Variants in SBSPON observed in about 807,000 individuals in gnomAD.
SBSPON encodes the protein somatomedin B and thrombospondin type 1 domain containing, also known as somatomedin-B and thrombospondin type-1 domain-containing protein.
In SBSPON, 30 loss-of-function variants were observed where a neutral mutation model predicts 35.8. The ratio of observed to expected loss-of-function variants is 0.84; its 90% CI spans 0.63 to 1.14. SBSPON has a LOEUF of 1.14. Ranked by LOEUF, SBSPON falls within the 50% of genes most tolerant of loss-of-function variation. The pLI is 0.00. For missense variants in SBSPON, 364 were observed against 357.7 expected (o/e 1.02, Z -0.14); for synonymous variants, 136 against 135.9 (o/e 1.00, Z 0.00).
chr8:73,081,328 G>T, intron 1 of SBSPON, 115 bp from the exon 2 acceptor site: 1 of 842,858 alleles, frequency 1.2e-6, no homozygotes, highest in Non-Finnish European at 1.8e-6. Context: ...CTGGCCCCAG[G>T]CCCTGTATCA....
intron 2 of SBSPON, chr8:73,074,566 A>T (rs1337362802): frequency 3.0e-6 from 3 of 984,056 alleles, no homozygotes; most frequent in Admixed American, 6.1e-5. Flanking sequence ...CAAACTCCTC[A>T]GGGCGGCACT....
chr8:73,076,720 G>C (rs1383626688), intron 2 of SBSPON, among the ~76,000 whole-genome samples: 1 of 151,852 alleles, frequency 6.6e-6, no homozygotes, highest in African/African-American at 2.4e-5. Context: ...TAGCTATGAG[G>C]ATGGAGGACG....
intron 2 of SBSPON, among the ~76,000 whole-genome samples, chr8:73,072,484 C>T (rs1329436979): frequency 6.6e-6 from 1 of 152,082 alleles, no homozygotes; most frequent in Non-Finnish European, 1.5e-5. Flanking sequence ...GCCTGGCCAA[C>T]ATGGCAAAAC....
At chr8:73,083,460 C>T (rs1427677290) in intron 1 of SBSPON, among the ~76,000 whole-genome samples, 2 of 152,192 alleles carry the variant, frequency 1.3e-5, no homozygotes, top group African/African-American at 4.8e-5. Context: ...TGTTGGTTAG[C>T]TTGTGAACTT....
At chr8:73,092,104 C>T (rs1268249834) in intron 1 of SBSPON, among the ~76,000 whole-genome samples, 1 of 152,156 alleles carries the variant, frequency 6.6e-6, no homozygotes, top group East Asian at 1.9e-4. Flanking sequence ...TTATTGAGCC[C>T]TTACGGGGAC....
At chr8:73,087,230 C>T (rs1279261645) in intron 1 of SBSPON, among the ~76,000 whole-genome samples, 1 of 152,124 alleles carries the variant, frequency 6.6e-6, no homozygotes, top group Non-Finnish European at 1.5e-5. Flanking sequence ...ATCCGGATGA[C>T]CTGGGTTCAA....
At chr8:73,088,462 T>G (rs993742086) in intron 1 of SBSPON, among the ~76,000 whole-genome samples, 2 of 152,172 alleles carry the variant, frequency 1.3e-5, no homozygotes, top group Non-Finnish European at 2.9e-5. Context: ...GCAGGCAGAT[T>G]GCTTGAGCCT....
intron 2 of SBSPON, among the ~76,000 whole-genome samples, chr8:73,078,194 G>A (rs1810629748): frequency 6.6e-6 from 1 of 152,176 alleles, no homozygotes; most frequent in African/African-American, 2.4e-5. Context: ...GGGTGGGGCT[G>A]AGGAACCAGA....
intron 4 of SBSPON, among the ~76,000 whole-genome samples, chr8:73,068,670 AC>A (rs1323618903): frequency 1.3e-5 from 2 of 152,202 alleles, no homozygotes; most frequent in African/African-American, 4.8e-5. Context: ...AGATTATTAT[AC>A]CGCAGAGGTG....
intron 2 of SBSPON, among the ~76,000 whole-genome samples, chr8:73,079,552 GACCTCAGCCCCACAT>G (rs1331239160): frequency 0.013 from 1,924 of 151,016 alleles, 45 homozygotes; most frequent in African/African-American, 0.045. Flanking sequence ...CAGCTCTACA[GACCTCAGCCCCACAT>G]ACCTCAGCCC....
intron 2 of SBSPON, among the ~76,000 whole-genome samples, chr8:73,077,777 A>G (rs1425660711): frequency 6.6e-6 from 1 of 152,118 alleles, no homozygotes; most frequent in Non-Finnish European, 1.5e-5. Context: ...AGATCATTCC[A>G]CAGCACATGA....
At chr8:73,082,422 G>A (rs2130024581) in intron 1 of SBSPON, among the ~76,000 whole-genome samples, 1 of 152,238 alleles carries the variant, frequency 6.6e-6, no homozygotes, top group East Asian at 1.9e-4. Flanking sequence ...TTGAAAGCTT[G>A]ACTTGAACTT....
Position 73,081,133 on chromosome 8 carries a change from G to T in SBSPON, c.295C>A (p.Arg99Ser), listed in dbSNP as rs766329688. 6.2e-7 allele frequency: 1 copy of T among 1,613,256 alleles called. No homozygotes were observed. Among genetic ancestry groups the T allele is most frequent in the Non-Finnish European group, 8.5e-7 (1 of 1,179,556 alleles). Residue 99 changes from arginine to serine, a missense_variant, in exon 2 of 5, where the codon CGC becomes AGC. Arg to Ser is a moderately radical substitution (Grantham distance 110). Transcript: ENST00000297354. Reference sequence around the variant, plus strand: ...TTCTGAGGCTCCTGCTGCACCGAGCGCCTCCGCACACGGGTTGTAGGCTTG... The same window carrying T: ...TTCTGAGGCTCCTGCTGCACCGAGCTCCTCCGCACACGGGTTGTAGGCTTG... ...QCKPTTRVRR[R>S]SVQQEPQNGG...
chr8:73,074,564 T>C, intron 2 of SBSPON: 1 of 984,136 alleles, frequency 1.0e-6, no homozygotes, highest in African/African-American at 1.7e-5. Context: ...ATCAAACTCC[T>C]CAGGGCGGCA....
chr8:73,081,586 T>C (rs1810706302), intron 1 of SBSPON, among the ~76,000 whole-genome samples: 1 of 151,984 alleles, frequency 6.6e-6, no homozygotes, highest in African/African-American at 2.4e-5. Context: ...TATCTGCCCC[T>C]GCCCATAACA....
chr8:73,065,994 G>T lies in SBSPON; in HGVS notation c.*1347C>A, dbSNP rs1388496805. On this transcript the variant is annotated 3_prime_UTR_variant, in exon 5 of 5. Coordinates refer to ENST00000297354, the MANE Select transcript of SBSPON (RefSeq NM_153225.4). ...AAATGAAAATACAGTAAAAAATATT[G>T]CTACTCTCGGTGTTATTAATTATTG... 1.3e-5 allele frequency: 2 copies of T among 151,860 alleles called. No homozygotes were observed. The highest frequency in any genetic ancestry group is 2.9e-5 in the Non-Finnish European group (2 of 67,974). 9.4% of individuals were successfully genotyped at this position (151,860 alleles called of 1,614,324 possible). A position where few individuals can be genotyped will look rare whatever the true frequency, so the allele number is the denominator to read the frequency against.
At chr8:73,076,540 G>A (rs1360198358) in intron 2 of SBSPON, among the ~76,000 whole-genome samples, 4 of 151,848 alleles carry the variant, frequency 2.6e-5, no homozygotes, top group African/African-American at 2.4e-5. Flanking sequence ...CCAGCTACTC[G>A]GGAGGCTGTG....
rs1810459101 is a variant in SBSPON, at chr8:73,069,864, C to T, written c.618G>A (p.Gln206=). The T allele has an allele frequency of 6.2e-7, 1 of 1,614,104 alleles. No homozygotes were observed. Among genetic ancestry groups the T allele is most frequent in the Non-Finnish European group, 8.5e-7 (1 of 1,179,936 alleles). Residue 206 remains glutamine (Q), a synonymous_variant, in exon 4 of 5, where the codon CAG becomes CAA. Coordinates refer to ENST00000297354, the MANE Select transcript of SBSPON (RefSeq NM_153225.4). ...REGYTVCVDC[Q]PPAMNSVSLR... ...GGCTCACAGAGTTCATAGCTGGAGG[C>T]TGACAATCCACACACACCGTGTATC...
chr8:73,071,799 T>C lies in SBSPON; in HGVS notation c.481A>G (p.Thr161Ala), dbSNP rs951323560. Residue 161 changes from threonine to alanine, a missense_variant, in exon 3 of 5, where the codon ACA (threonine) becomes GCA (alanine). Thr to Ala is a moderately conservative substitution (Grantham distance 58). Transcript: ENST00000297354. ...AATTACCCAGCATCCTCTGTGTGTG[T>C]AGACCAGTGTGGAGACGTAGCTTGT... is the stretch of plus-strand genomic sequence containing the variant. Reference protein sequence around the residue: ...TRQATSPHWSTHTEDAGYCME... With the variant: ...TRQATSPHWSAHTEDAGYCME... 2 of 1,606,802 alleles carry C rather than the reference T, an allele frequency of 1.2e-6. No individual in the cohort carries two copies. Among genetic ancestry groups the C allele is most frequent in the Non-Finnish European group, 1.7e-6 (2 of 1,173,738 alleles).
Sources: allele counts gnomAD v4.1 joint callset (sites outside exome capture counted in the v4.1 genomes callset), GRCh38; gene constraint gnomAD v4.1.1; transcripts MANE v1.5; gene names NCBI Gene and HGNC (gene_info 2026-07-23, HGNC 2026-07-21).